Variants in SREK1IP1 observed in about 807,000 individuals in gnomAD.
The protein encoded by SREK1IP1 is SREK1 interacting protein 1.
In SREK1IP1, 12 loss-of-function variants were observed where a neutral mutation model predicts 22.8. The ratio of observed to expected loss-of-function variants is 0.53; its 90% CI spans 0.34 to 0.85. The LOEUF (loss-of-function observed/expected upper bound fraction) is 0.85, where lower values mean the gene tolerates loss of function less well. Ranked by LOEUF, SREK1IP1 falls within the 40% of genes least tolerant of loss-of-function variation. The pLI, the probability that SREK1IP1 is intolerant of heterozygous loss-of-function variation, is 0.02. For missense variants in SREK1IP1, 147 were observed against 171.8 expected (o/e 0.86, Z 0.81); for synonymous variants, 53 against 52.7 (o/e 1.01, Z -0.02).
At chr5:64,759,680 C>T (rs1422831891) in intron 1 of SREK1IP1, among the ~76,000 whole-genome samples, 2 of 152,038 alleles carry the variant, frequency 1.3e-5, no homozygotes, top group African/African-American at 4.8e-5. Context: ...CAGTAACCAA[C>T]AGGAAAAAAA....
intron 3 of SREK1IP1, among the ~76,000 whole-genome samples, chr5:64,733,778 T>C (rs1215866975): frequency 2.0e-5 from 3 of 152,156 alleles, no homozygotes; most frequent in Non-Finnish European, 4.4e-5. Flanking sequence ...AACAGTAGTA[T>C]ATCCATAACA....
Position 64,718,253 on chromosome 5 carries a change from A to G in SREK1IP1, c.*6131T>C. On this transcript the variant is annotated 3_prime_UTR_variant, in exon 5 of 5. Transcript: ENST00000513458. ...AGATGTTTCTGTATCACATGAGATT[A>G]TGCTAATTATTCAGGAGAAATTAAA... is the stretch of plus-strand genomic sequence containing the variant. The G allele has an allele frequency of 2.6e-6, 1 of 378,438 alleles. No individual in the cohort carries two copies. The highest frequency in any genetic ancestry group is 4.6e-6 in the Non-Finnish European group (1 of 215,650). The allele number at this position is 378,438 out of a possible 1,614,324, so 23.4% of individuals were successfully genotyped here.
chr5:64,737,476 G>C (rs547634987), intron 3 of SREK1IP1, among the ~76,000 whole-genome samples: 32 of 125,824 alleles, frequency 2.5e-4, no homozygotes, highest in African/African-American at 9.0e-4. Context: ...TATTAAGAAA[G>C]AAGAGGGCCA....
chr5:64,750,556 T>C (rs1017881259), intron 2 of SREK1IP1, among the ~76,000 whole-genome samples: 1 of 152,146 alleles, frequency 6.6e-6, no homozygotes, highest in African/African-American at 2.4e-5. Flanking sequence ...CATTTTTTAT[T>C]TGTCCTTAGT....
rs563216558 is a variant in SREK1IP1, at chr5:64,722,135, A to G, written c.*2249T>C. The stretch of plus-strand genomic sequence containing the variant: ...TTAGAAGAAAATTACTTCAGTGAAA[A>G]TAAATTTTTATTCAATTTCATAAAC... On this transcript the variant is annotated 3_prime_UTR_variant, in exon 5 of 5. Coordinates refer to ENST00000513458, the MANE Select transcript of SREK1IP1 (RefSeq NM_173829.4). 1 of 152,334 alleles carries G rather than the reference A, an allele frequency of 6.6e-6. No individual in the cohort carries two copies. The highest frequency in any genetic ancestry group is 1.5e-5 in the Non-Finnish European group (1 of 68,028). The allele number at this position is 152,334 out of a possible 1,614,324, so 9.4% of individuals were successfully genotyped here.
chr5:64,755,274 C>A (rs1742819390), intron 1 of SREK1IP1, among the ~76,000 whole-genome samples: 1 of 151,074 alleles, frequency 6.6e-6, no homozygotes, highest in Admixed American at 6.6e-5. Context: ...ATCTTCATTG[C>A]AGCATTATTT....
intron 3 of SREK1IP1, among the ~76,000 whole-genome samples, chr5:64,737,761 G>T (rs188435666): frequency 1.3e-5 from 2 of 151,924 alleles, no homozygotes; most frequent in African/African-American, 4.8e-5. Context: ...AAATATAAAG[G>T]GGTGTTATAT....
chr5:64,759,839 T>C (rs920979692), intron 1 of SREK1IP1, among the ~76,000 whole-genome samples: 2 of 152,146 alleles, frequency 1.3e-5, no homozygotes, highest in Non-Finnish European at 2.9e-5. Context: ...GATTGAAAGG[T>C]TGAAGGAAGT....
At chr5:64,725,033 GA>G (rs1480117329) in intron 4 of SREK1IP1, among the ~76,000 whole-genome samples, 2 of 152,168 alleles carry the variant, frequency 1.3e-5, no homozygotes, top group African/African-American at 4.8e-5. Flanking sequence ...AATGAAAGCT[GA>G]AAGTTAGCAA....
At position 64,724,489 on chromosome 5, in the gene SREK1IP1, T is replaced by G. The variant is rs80170948; in HGVS notation, c.363A>C (p.Lys121Asn). 60,150 of 1,590,458 alleles carry G rather than the reference T, an allele frequency of 0.038. 1,283 individuals carry two copies. Among genetic ancestry groups the G allele is most frequent in the Non-Finnish European group, 0.044 (51,601 of 1,173,330 alleles). ...KYQKKEKKKE[K>N]KSKSKKGKHH... ...GTTTCCCTTTTTTTGATTTACTCTT[T>G]TTTTCTTTTTTCTTTTCTTTCTTCT... Residue 121 changes from lysine (K) to asparagine (N), a missense_variant, in exon 5 of 5, where the codon AAA (lysine) becomes AAC (asparagine). Physicochemically the swap from Lys to Asn is moderately conservative, Grantham distance 94. Transcript: ENST00000513458.
intron 1 of SREK1IP1, among the ~76,000 whole-genome samples, chr5:64,767,548 A>G (rs1271622240): frequency 6.6e-6 from 1 of 152,242 alleles, no homozygotes; most frequent in Non-Finnish European, 1.5e-5. Flanking sequence ...CTATCTGTAG[A>G]AGGAGGTTCA....
chr5:64,729,771 A>G (rs570053233), intron 3 of SREK1IP1, among the ~76,000 whole-genome samples: 1 of 152,304 alleles, frequency 6.6e-6, no homozygotes, highest in East Asian at 1.9e-4. Context: ...GGTTTTTAGC[A>G]GTGCCACTGA....
chr5:64,746,020 T>G (rs935163038), intron 2 of SREK1IP1, among the ~76,000 whole-genome samples: 1 of 152,174 alleles, frequency 6.6e-6, no homozygotes, highest in South Asian at 2.1e-4. Context: ...GGCATAAGAA[T>G]AGACACACAG....
intron 3 of SREK1IP1, among the ~76,000 whole-genome samples, chr5:64,737,871 G>A (rs1342092833): frequency 6.6e-6 from 1 of 152,162 alleles, no homozygotes; most frequent in South Asian, 2.1e-4. Context: ...TGTATCAGGA[G>A]TGAATCATGA....
intron 4 of SREK1IP1, among the ~76,000 whole-genome samples, chr5:64,725,553 T>C (rs1203545871): frequency 1.3e-5 from 2 of 152,306 alleles, no homozygotes; most frequent in East Asian, 1.9e-4. Context: ...TGTGTCTGTA[T>C]AGTGTGTGAA....
intron 3 of SREK1IP1, among the ~76,000 whole-genome samples, chr5:64,734,923 C>T (rs1236065640): frequency 1.3e-5 from 2 of 152,034 alleles, no homozygotes; most frequent in East Asian, 1.9e-4. Context: ...TTATTGCACT[C>T]GCTAGAATCT....
chr5:64,764,715 TA>T (rs778831728), intron 1 of SREK1IP1, among the ~76,000 whole-genome samples: 2 of 152,132 alleles, frequency 1.3e-5, no homozygotes, highest in African/African-American at 2.4e-5. Context: ...AATTCACAGA[TA>T]GGGGTCAAGA....
At chr5:64,724,606 G>A in intron 4 of SREK1IP1, 33 bp from the exon 5 acceptor site, 1 of 1,435,150 alleles carries the variant, frequency 7.0e-7, no homozygotes, top group East Asian at 2.4e-5. Context: ...ACTGAGAATT[G>A]CATTTATGAC....
chr5:64,745,408 T>C (rs1450701752), intron 2 of SREK1IP1, among the ~76,000 whole-genome samples: 1 of 152,108 alleles, frequency 6.6e-6, no homozygotes, highest in Non-Finnish European at 1.5e-5. Context: ...TTGGCCAACA[T>C]GGCGAAATCC....
Sources: gnomAD v4.1 joint callset for allele counts (sites outside exome capture counted in the v4.1 genomes callset) on GRCh38, gnomAD v4.1.1 for gene constraint, MANE v1.5 for transcripts, NCBI Gene and HGNC (gene_info 2026-07-23, HGNC 2026-07-21) for gene names.